MTOR: variants seen among roughly 807,000 people sequenced by gnomAD.
MTOR encodes serine/threonine-protein kinase mTOR.
In MTOR, 70 loss-of-function variants were observed where a neutral mutation model predicts 319.8. The observed-to-expected ratio is 0.22, with a 90% confidence interval of 0.18 to 0.27. The LOEUF (loss-of-function observed/expected upper bound fraction) is 0.27, where lower values mean the gene tolerates loss of function less well. MTOR is among the 10% of genes least tolerant of loss of function. The pLI is 1.00. For missense variants in MTOR, 1,890 were observed against 3,274.4 expected (o/e 0.58, Z 10.32); for synonymous variants, 1,183 against 1,211.4 (o/e 0.98, Z 0.49).
Position 11,213,447 on chromosome 1 carries a change from C to A in MTOR, c.3237G>T (p.Leu1079=). ...GGCTGTTGTCATGCATGAAGACACG[C>A]AGCATGTGTGGGATCAGCTGGGGCA... The part of the protein sequence containing the change: ...LYLPQLIPHM[L]RVFMHDNSPG... Residue 1079 remains leucine (L), a synonymous_variant, in exon 21 of 58, where the codon CTG becomes CTT. Transcript: ENST00000361445. 6.2e-7 allele frequency: 1 copy of A among 1,613,742 alleles called. No individual in the cohort carries two copies. The highest frequency in any genetic ancestry group is 1.7e-5 in the Admixed American group (1 of 60,008).
chr1:11,250,435 G>A (rs1046705871), intron 6 of MTOR, among the ~76,000 whole-genome samples: 4 of 152,186 alleles, frequency 2.6e-5, no homozygotes, highest in Non-Finnish European at 4.4e-5. Context: ...CTTATCTGCA[G>A]CATTTCATCC....
chr1:11,227,675 G>A (rs370260136), intron 19 of MTOR, among the ~76,000 whole-genome samples: 1 of 152,174 alleles, frequency 6.6e-6, no homozygotes, highest in African/African-American at 2.4e-5. Context: ...AGAGTGAGAG[G>A]TGGGGGAGGG....
In MTOR at chr1:11,216,176, T is replaced by C. The variant is rs1382192327; in HGVS notation, c.3089A>G (p.Tyr1030Cys). Residue 1030 changes from tyrosine to cysteine, a missense_variant, in exon 20 of 58, where the codon TAT becomes TGT. This residue lies in a region of MTOR where 377 missense variants were observed against 653.9 expected (regional missense o/e 0.58). Transcript: ENST00000361445. ...CATGAGGGTGACTATTTCATCCATATAAGGTCTGATGTGGCTCTTCACAAA... is the reference window on the plus strand; with the variant it reads ...CATGAGGGTGACTATTTCATCCATACAAGGTCTGATGTGGCTCTTCACAAA... Reference protein sequence around the residue: ...VSFVKSHIRPYMDEIVTLMRE... With the variant: ...VSFVKSHIRPCMDEIVTLMRE... 3.7e-6 allele frequency: 6 copies of C among 1,613,962 alleles called. No homozygotes were observed. The highest frequency in any genetic ancestry group is 5.1e-6 in the Non-Finnish European group (6 of 1,179,860).
At chr1:11,194,523 C>A (rs763625015) in intron 28 of MTOR, 2 of 1,614,134 alleles carry the variant, frequency 1.2e-6, no homozygotes, top group East Asian at 2.2e-5. Flanking sequence ...ATGAACTCAA[C>A]AGCTATCGCC....
chr1:11,117,513 T>C (rs1332393969), intron 49 of MTOR, among the ~76,000 whole-genome samples: 2 of 152,198 alleles, frequency 1.3e-5, no homozygotes, highest in Non-Finnish European at 2.9e-5. Flanking sequence ...TGTATAACAT[T>C]ATAAAGACCT....
chr1:11,106,611 T>C lies in MTOR; in HGVS notation c.*874A>G, dbSNP rs551030263. The C allele has an allele frequency of 1.7e-4, 187 of 1,088,946 alleles. 1 individual carries two copies. Among genetic ancestry groups the C allele is most frequent in the Non-Finnish European group, 2.0e-4 (182 of 892,894 alleles). 67.5% of individuals were successfully genotyped at this position (1,088,946 alleles called of 1,614,324 possible). Reference sequence around the variant, plus strand: ...ACATGGTGTCTAGACATGGCTACACTTTATACTTTGTGCATTTAGTTGAGT... The same window carrying C: ...ACATGGTGTCTAGACATGGCTACACCTTATACTTTGTGCATTTAGTTGAGT... On this transcript the variant is annotated 3_prime_UTR_variant, in exon 58 of 58. Coordinates refer to ENST00000361445, the MANE Select transcript of MTOR (RefSeq NM_004958.4).
chr1:11,132,174 C>G (rs1399517428), intron 38 of MTOR: 1 of 152,148 alleles, frequency 6.6e-6, no homozygotes, highest in African/African-American at 2.4e-5. Flanking sequence ...TTGTGATTTG[C>G]TTACTTCCTA....
chr1:11,243,463 G>C (rs1185411710), intron 8 of MTOR, among the ~76,000 whole-genome samples, 163 bp from the exon 9 acceptor site: 1 of 151,866 alleles, frequency 6.6e-6, no homozygotes, highest in Non-Finnish European at 1.5e-5. Context: ...AGGCCAAGGA[G>C]AGAGGAGTGT....
Position 11,203,043 on chromosome 1 carries a change from C to T in MTOR, c.3944+1518G>A, listed in dbSNP as rs186451379. On this transcript the variant is annotated intron_variant, in intron 26 of 57. Transcript: ENST00000361445. ...GCCTGGCCAACATGGTGAAACCCCA[C>T]GTCTACTAAAATTACAAAAAATAGC... 1.8e-3 allele frequency among the ~76,000 whole-genome samples: 264 copies of T among 150,458 alleles called. 1 individual carries two copies. The highest frequency in any genetic ancestry group is 5.5e-3 in the African/African-American group (225 of 40,898).
At chr1:11,143,750 C>G (rs1643822328) in intron 34 of MTOR, 1 of 152,048 alleles carries the variant, frequency 6.6e-6, no homozygotes, top group African/African-American at 2.4e-5. Context: ...TTGGAATTAG[C>G]AATTAGGTGG....
At chr1:11,245,166 A>G (rs1199737315) in intron 8 of MTOR, among the ~76,000 whole-genome samples, 6 of 152,220 alleles carry the variant, frequency 3.9e-5, no homozygotes, top group African/African-American at 7.2e-5. Context: ...AGGTTCACAT[A>G]AGCCAGTGTG....
In MTOR at chr1:11,145,026, T is replaced by C; in HGVS notation, c.4706A>G (p.Asp1569Gly). The C allele has an allele frequency of 6.2e-7, 1 of 1,614,122 alleles. No homozygotes were observed. The highest frequency in any genetic ancestry group is 1.1e-5 in the South Asian group (1 of 91,080). ...LAQQCIDKAR[D>G]LLDAELTAMA... ...CGCAGTTAATTCAGCATCCAGCAGG[T>C]CCCTGGCCTTGTCAATGCACTAGAA... Residue 1569 changes from aspartate (D) to glycine (G), a missense_variant, in exon 33 of 58, where the codon GAC becomes GGC. Asp to Gly is a moderately conservative substitution (Grantham distance 94). Transcript: ENST00000361445.
chr1:11,204,417 A>G, intron 26 of MTOR, 144 bp downstream of exon 26: 1 of 1,171,240 alleles, frequency 8.5e-7, no homozygotes, highest in South Asian at 1.9e-5. Context: ...GAGCTTGTTG[A>G]ATTTGTCTTT....
intron 47 of MTOR, among the ~76,000 whole-genome samples, chr1:11,122,502 ATTT>A (rs35016135): frequency 7.6e-5 from 6 of 78,714 alleles, no homozygotes; most frequent in Admixed American, 1.5e-4. Context: ...ACCCAGCCCT[ATTT>A]TTTTTTTTTT....
rs17848570 is a variant in MTOR at position 11,107,288 on chromosome 1, G to A, written c.*197C>T. ...TCCTGGGAACCAAATCAAGCCTTGT[G>A]TTTCTGACAATATATTCTTCAACAG... On this transcript the variant is annotated 3_prime_UTR_variant, in exon 58 of 58. Transcript: ENST00000361445. 1.4e-6 allele frequency: 2 copies of A among 1,458,232 alleles called. No individual in the cohort carries two copies. Among genetic ancestry groups the A allele is most frequent in the Non-Finnish European group, 1.8e-6 (2 of 1,104,656 alleles). The allele number at this position is 1,458,232 out of a possible 1,614,324, so 90.3% of individuals were successfully genotyped here. A position where few individuals can be genotyped will look rare whatever the true frequency, so the allele number is the denominator to read the frequency against.
intron 19 of MTOR, among the ~76,000 whole-genome samples, chr1:11,217,883 G>A (rs1646525840): frequency 6.6e-6 from 1 of 152,086 alleles, no homozygotes; most frequent in African/African-American, 2.4e-5. Flanking sequence ...AGTGAGTAAT[G>A]GATTTATAGT....
At chr1:11,125,470 C>G (rs939666285) in intron 46 of MTOR, among the ~76,000 whole-genome samples, 1 of 152,114 alleles carries the variant, frequency 6.6e-6, no homozygotes, top group African/African-American at 2.4e-5. Flanking sequence ...GTGGCTCACA[C>G]CTGTAATCCT....
rs1650023921 is a variant in MTOR at position 11,253,868 on chromosome 1, G to C, written c.811C>G (p.Leu271Val). The stretch of plus-strand genomic sequence containing the variant: ...CCCTCCATGCTGCTGATTCGGACCA[G>C]CTCGTTAAGGATCAACAAGGCTCCA... ...IHGALLILNELVRISSMEGER... is the reference protein window; with the variant it reads ...IHGALLILNEVVRISSMEGER... Residue 271 changes from leucine to valine, a missense_variant, in exon 6 of 58, where the codon CTG (leucine) becomes GTG (valine). By Grantham distance (32) the Leu-to-Val change is conservative. Transcript: ENST00000361445. 1 of 1,614,002 alleles carries C rather than the reference G, an allele frequency of 6.2e-7. No individual in the cohort carries two copies. Among genetic ancestry groups the C allele is most frequent in the Non-Finnish European group, 8.5e-7 (1 of 1,180,022 alleles).
chr1:11,140,813 T>G (rs369168393), intron 34 of MTOR, among the ~76,000 whole-genome samples: 34 of 152,348 alleles, frequency 2.2e-4, no homozygotes, highest in African/African-American at 8.2e-4. Context: ...GTCTTTCTGG[T>G]TGAAGATGAC....
Sources: gnomAD v4.1 joint callset for allele counts (sites outside exome capture counted in the v4.1 genomes callset) on GRCh38, gnomAD v4.1.1 for gene constraint, gnomAD v4.1.1 regional missense constraint, MANE v1.5 for transcripts, NCBI Gene and HGNC (gene_info 2026-07-23, HGNC 2026-07-21) for gene names.